Variants in SPTB observed in about 807,000 individuals in gnomAD.
The protein encoded by SPTB is spectrin beta chain, erythrocytic.
A neutral mutation model predicts 256.2 loss-of-function variants in SPTB; 45 were observed. The ratio of observed to expected loss-of-function variants is 0.18; its 90% CI spans 0.14 to 0.23. The LOEUF is 0.23. Ranked by LOEUF, SPTB falls within the 10% of genes least tolerant of loss-of-function variation. The pLI is 1.00. For missense variants in SPTB, 2,715 were observed against 3,040.4 expected (o/e 0.89, Z 2.52); for synonymous variants, 1,231 against 1,243.1 (o/e 0.99, Z 0.21).
At chr14:64,820,827 C>T (rs2083273571) in intron 2 of SPTB, among the ~76,000 whole-genome samples, 1 of 151,590 alleles carries the variant, frequency 6.6e-6, no homozygotes, top group Admixed American at 6.6e-5. Flanking sequence ...TGCACCACCA[C>T]GCCCAGCTAT....
At position 64,774,377 on chromosome 14, in the gene SPTB, A is replaced by G. The variant is rs1388348280; in HGVS notation, c.4973+20T>C. ...TCAATCCCCATCTCCTGACCGAGTC[A>G]CCACAGGGGGCGCACGCACCCCTCA... On this transcript the variant is annotated intron_variant, in intron 24 of 35. Coordinates refer to ENST00000644917, the MANE Select transcript of SPTB (RefSeq NM_001355436.2). The G allele has an allele frequency of 6.3e-7, 1 of 1,580,768 alleles. No homozygotes were observed. The highest frequency in any genetic ancestry group is 1.3e-5 in the African/African-American group (1 of 74,390).
chr14:64,763,653 C>T (rs2082124600), intron 32 of SPTB: 2 of 496,310 alleles, frequency 4.0e-6, no homozygotes, highest in Non-Finnish European at 8.2e-6. Context: ...AGGAAGTTAC[C>T]AACAGAATTA....
intron 20 of SPTB, among the ~76,000 whole-genome samples, chr14:64,781,458 G>GA (rs1405387043): frequency 1.3e-5 from 2 of 152,066 alleles, no homozygotes; most frequent in Admixed American, 1.3e-4. Flanking sequence ...AACAATATAT[G>GA]AAAAAAAGCT....
At chr14:64,784,532 T>C in intron 18 of SPTB, 139 bp from the exon 19 acceptor site, 3 of 1,159,182 alleles carry the variant, frequency 2.6e-6, no homozygotes, top group Non-Finnish European at 2.5e-6. Context: ...TCTGCAGTTC[T>C]GGATCCCTCT....
Position 64,772,384 on chromosome 14 carries a change from T to A in SPTB, c.5553+196A>T, listed in dbSNP as rs1358521898. Among the ~76,000 whole-genome samples the A allele has an allele frequency of 6.6e-6, 1 of 152,218 alleles. No homozygotes were observed. Among genetic ancestry groups the A allele is most frequent in the Non-Finnish European group, 1.5e-5 (1 of 68,042 alleles). ...TGTATGCATTGGCCTTTTGTGAGGA[T>A]TCAGTTTAAAGAATGACTTCTGAAG... On this transcript the variant is annotated intron_variant, in intron 26 of 35. Transcript: ENST00000644917. This position sits in a 1 kb window ranked among gnomAD's most constrained non-coding sequence, Gnocchi z 5.4.
At chr14:64,774,627 G>A in intron 23 of SPTB, 100 bp from the exon 24 acceptor site, 1 of 1,521,748 alleles carries the variant, frequency 6.6e-7, no homozygotes, top group East Asian at 2.5e-5. Flanking sequence ...AGGGAGGAGG[G>A]GAGTAGGCTT....
At chr14:64,752,185 G>A (rs1461067522) in intron 33 of SPTB, 1 of 1,344,880 alleles carries the variant, frequency 7.4e-7, no homozygotes, top group Non-Finnish European at 9.8e-7. Context: ...GATAACAGGT[G>A]GGCTAGCCCG....
intron 1 of SPTB, among the ~76,000 whole-genome samples, chr14:64,861,761 G>A (rs1343019691): frequency 6.6e-6 from 1 of 152,076 alleles, no homozygotes; most frequent in African/African-American, 2.4e-5. Context: ...CCTGATCATC[G>A]AGTTTCATGC....
chr14:64,791,624 G>A, intron 15 of SPTB, 95 bp downstream of exon 15: 2 of 1,159,380 alleles, frequency 1.7e-6, no homozygotes, highest in Middle Eastern at 2.6e-4. Flanking sequence ...AAGTGTTGGT[G>A]CATACTAGGT....
Position 64,786,656 on chromosome 14 carries a change from A to C in SPTB, c.3309T>G (p.His1103Gln), listed in dbSNP as rs1198368141. 3 of 1,614,098 alleles carry C rather than the reference A, an allele frequency of 1.9e-6. No homozygotes were observed. The highest frequency in any genetic ancestry group is 1.7e-5 in the Admixed American group (1 of 60,028). ...CGTCAATCTCATCCTTGATACCTGC[A>C]TGCTGCTGCAGGAGCTGCTCAGCCT... ...LPEAEQLLQQHAGIKDEIDGH... is the reference protein window; with the variant it reads ...LPEAEQLLQQQAGIKDEIDGH... The change falls in exon 16 of 36, where the codon CAT becomes CAG. Residue 1103 changes from histidine (H) to glutamine (Q), a missense_variant. By Grantham distance (24) the His-to-Gln change is conservative. Transcript: ENST00000644917. The surrounding 1 kb of genome is among the most constrained non-coding windows in gnomAD (Gnocchi z 5.6).
intron 20 of SPTB, among the ~76,000 whole-genome samples, chr14:64,781,737 C>T (rs890256981): frequency 3.9e-5 from 6 of 152,228 alleles, no homozygotes; most frequent in Non-Finnish European, 7.3e-5. Context: ...GAATATAAAA[C>T]ATTCTACCAT....
intron 15 of SPTB, 68 bp from the exon 16 acceptor site, chr14:64,787,228 AC>A (rs1313788071): frequency 1.3e-5 from 20 of 1,583,310 alleles, no homozygotes; most frequent in Admixed American, 1.7e-5. Context: ...CCCATAGGAG[AC>A]CCTGACCCCT....
chr14:64,787,950 C>T (rs2082603032), intron 15 of SPTB, among the ~76,000 whole-genome samples: 1 of 152,238 alleles, frequency 6.6e-6, no homozygotes, highest in Non-Finnish European at 1.5e-5. Flanking sequence ...TGCTCATTCT[C>T]TAATCGAACC....
At position 64,749,065 on chromosome 14, in the gene SPTB, C is replaced by T. The variant is rs990464698; in HGVS notation, c.*241G>A. The T allele has an allele frequency of 6.7e-6, 3 of 447,346 alleles. No homozygotes were observed. The highest frequency in any genetic ancestry group is 1.2e-5 in the Non-Finnish European group (3 of 251,228). The allele number at this position is 447,346 out of a possible 1,614,324, so 27.7% of individuals were successfully genotyped here. A position where few individuals can be genotyped will look rare whatever the true frequency, so the allele number is the denominator to read the frequency against. On this transcript the variant is annotated 3_prime_UTR_variant, in exon 36 of 36. Transcript: ENST00000644917. The surrounding 1 kb of genome is among the most constrained non-coding windows in gnomAD (Gnocchi z 4.7). ...CCCAGGCCTGGAGGCCCCAAAGGCG[C>T]CAGAGGAGCTGGGAGCCCCTGTCCC... is the stretch of plus-strand genomic sequence containing the variant.
intron 2 of SPTB, among the ~76,000 whole-genome samples, chr14:64,813,644 C>T (rs950552528): frequency 6.6e-6 from 1 of 152,170 alleles, no homozygotes; most frequent in African/African-American, 2.4e-5. Flanking sequence ...GCCTCAGCCT[C>T]CCCAGGTAGC....
At chr14:64,829,536 G>GA (rs1157138841) in intron 1 of SPTB, among the ~76,000 whole-genome samples, 1 of 152,182 alleles carries the variant, frequency 6.6e-6, no homozygotes, top group Non-Finnish European at 1.5e-5. Context: ...GGTTATGTAA[G>GA]AAAATGAATT....
chr14:64,818,140 C>A (rs1350902408), intron 2 of SPTB, among the ~76,000 whole-genome samples: 1 of 152,208 alleles, frequency 6.6e-6, no homozygotes, highest in East Asian at 1.9e-4. Context: ...CCTGAGTGGG[C>A]AACACAATTC....
In SPTB at chr14:64,785,038, A is replaced by G. The variant is rs781530923; in HGVS notation, c.3855+499T>C. Among the ~76,000 whole-genome samples the G allele has an allele frequency of 3.9e-5, 6 of 152,226 alleles. No individual in the cohort carries two copies. Among genetic ancestry groups the G allele is most frequent in the Non-Finnish European group, 8.8e-5 (6 of 68,040 alleles). On this transcript the variant is annotated intron_variant, in intron 18 of 35. Transcript: ENST00000644917. This position sits in a 1 kb window ranked among gnomAD's most constrained non-coding sequence, Gnocchi z 4.4. Reference sequence around the variant, plus strand: ...ATGTTCTTTCTCTGTCTCACCCCGTAAAGTTCTGATTCATCTGGCCTGAGT... The same window carrying G: ...ATGTTCTTTCTCTGTCTCACCCCGTGAAGTTCTGATTCATCTGGCCTGAGT...
Position 64,749,174 on chromosome 14 carries a change from TGGGGCCCGGGGGCCCG to T in SPTB, c.*116_*131del. On this transcript the variant is annotated 3_prime_UTR_variant, in exon 36 of 36. Coordinates refer to ENST00000644917, the MANE Select transcript of SPTB (RefSeq NM_001355436.2). This position sits in a 1 kb window ranked among gnomAD's most constrained non-coding sequence, Gnocchi z 4.7. ...CGAAGGCAGCTTTTGCAGTGCAGCG[TGGGGCCCGGGGGCCCG>T]GCCCGCGACTCGACTCATCTCGATT... 8.9e-7 allele frequency: 1 copy of T among 1,122,706 alleles called. No homozygotes were observed. Among genetic ancestry groups the T allele is most frequent in the South Asian group, 1.4e-5 (1 of 69,312 alleles). The allele number at this position is 1,122,706 out of a possible 1,614,324, so 69.5% of individuals were successfully genotyped here.
Sources: allele counts gnomAD v4.1 joint callset (sites outside exome capture counted in the v4.1 genomes callset), GRCh38; gene constraint gnomAD v4.1.1; non-coding constraint Gnocchi (gnomAD v3.1); transcripts MANE v1.5; gene names NCBI Gene and HGNC (gene_info 2026-07-23, HGNC 2026-07-21).